PAK2: variants seen among roughly 807,000 people sequenced by gnomAD.
The protein encoded by PAK2 is p21 (RAC1) activated kinase 2.
Under a neutral mutation model 65.9 loss-of-function variants are expected in PAK2, and 21 were observed. That is an observed-to-expected ratio of 0.32 (90% CI 0.23 to 0.46). The LOEUF is 0.46. Among genes scored for constraint, PAK2 ranks in the 20% least tolerant of loss-of-function variants. PAK2 has a pLI of 1.00. For missense variants in PAK2, 324 were observed against 642.6 expected (o/e 0.50, Z 5.36); for synonymous variants, 204 against 219.7 (o/e 0.93, Z 0.63).
At chr3:196,768,663 A>G (rs1476781216) in intron 1 of PAK2, among the ~76,000 whole-genome samples, 1 of 133,928 alleles carries the variant, frequency 7.5e-6, no homozygotes, top group African/African-American at 3.3e-5. Flanking sequence ...CTAATTCTTT[A>G]TTTTTATTTA....
At chr3:196,806,403 A>C (rs1038036049) in intron 5 of PAK2, among the ~76,000 whole-genome samples, 176 bp from the exon 6 acceptor site, 3 of 152,178 alleles carry the variant, frequency 2.0e-5, no homozygotes, top group African/African-American at 7.2e-5. Flanking sequence ...GATTCATAGA[A>C]TCGCCTTATT....
At chr3:196,759,600 C>T (rs1321116028) in intron 1 of PAK2, among the ~76,000 whole-genome samples, 1 of 144,658 alleles carries the variant, frequency 6.9e-6, no homozygotes, top group Non-Finnish European at 1.5e-5. Flanking sequence ...GATCTCGGCC[C>T]ACTGCAACCT....
chr3:196,779,283 A>G (rs1197147351), intron 1 of PAK2, among the ~76,000 whole-genome samples: 1 of 152,184 alleles, frequency 6.6e-6, no homozygotes, highest in South Asian at 2.1e-4. Flanking sequence ...ATTTGCTCAA[A>G]TCATCCCAGC....
In PAK2 at chr3:196,825,143, T is replaced by C. The variant is rs527879456; in HGVS notation, c.1351-2053T>C. ...GGCAGATCGCTTGAGGTTAGGAGTTTGAGACCAGCCTGGCCAATGTGGTGA... is the reference window on the plus strand; with the variant it reads ...GGCAGATCGCTTGAGGTTAGGAGTTCGAGACCAGCCTGGCCAATGTGGTGA... On this transcript the variant is annotated intron_variant, in intron 13 of 14. Coordinates refer to ENST00000327134, the MANE Select transcript of PAK2 (RefSeq NM_002577.4). 1.1e-3 allele frequency among the ~76,000 whole-genome samples: 171 copies of C among 149,444 alleles called. 2 individuals carry two copies. The highest frequency in any genetic ancestry group is 4.5e-3 in the South Asian group (21 of 4,700).
In PAK2 at chr3:196,829,250, G is replaced by C. The variant is rs114305365; in HGVS notation, c.*845G>C. 9,128 of 152,596 alleles carry C rather than the reference G, an allele frequency of 0.06. 321 individuals are homozygous for C. Among genetic ancestry groups the C allele is most frequent in the Non-Finnish European group, 0.077 (5,268 of 67,982 alleles). 9.5% of individuals were successfully genotyped at this position (152,596 alleles called of 1,614,324 possible). On this transcript the variant is annotated 3_prime_UTR_variant, in exon 15 of 15. Transcript: ENST00000327134. ...GCTCTAGGAACCAAAGTGATTTGTT[G>C]TTGTTCCAACCTGGGCTTTGTGACT...
intron 1 of PAK2, among the ~76,000 whole-genome samples, chr3:196,779,591 C>T (rs115504909): frequency 1.8e-3 from 278 of 152,310 alleles, no homozygotes; most frequent in Non-Finnish European, 3.6e-3. Context: ...AGTTTCTACT[C>T]ACATTCCATC....
chr3:196,810,669 T>C lies in PAK2; in HGVS notation c.773+16T>C, dbSNP rs1279012102. The C allele has an allele frequency of 6.6e-6, 8 of 1,219,390 alleles. No homozygotes were observed. The highest frequency in any genetic ancestry group is 1.5e-5 in the African/African-American group (1 of 67,110). 75.5% of individuals were successfully genotyped at this position (1,219,390 alleles called of 1,614,324 possible). On this transcript the variant is annotated intron_variant, in intron 8 of 14. Coordinates refer to ENST00000327134, the MANE Select transcript of PAK2 (RefSeq NM_002577.4). Reference sequence around the variant, plus strand: ...TTGGACAAGGGTAAGTATTTGTGACTGTATTACGATAATATTCAGTATTCA... The same window carrying C: ...TTGGACAAGGGTAAGTATTTGTGACCGTATTACGATAATATTCAGTATTCA...
chr3:196,743,481 A>G (rs1295794309), intron 1 of PAK2, among the ~76,000 whole-genome samples: 1 of 152,216 alleles, frequency 6.6e-6, no homozygotes, highest in African/African-American at 2.4e-5. Flanking sequence ...CTGTAATTAT[A>G]GGTCTTAATA....
intron 1 of PAK2, among the ~76,000 whole-genome samples, chr3:196,750,756 TAA>T (rs869208797): frequency 0.4 from 58,814 of 147,554 alleles, 12,360 homozygotes; most frequent in Non-Finnish European, 0.49. Context: ...AAATAAAGTT[TAA>T]AAAAAAAAAA....
At chr3:196,748,350 C>G (rs756673660) in intron 1 of PAK2, among the ~76,000 whole-genome samples, 5 of 152,138 alleles carry the variant, frequency 3.3e-5, no homozygotes, top group Admixed American at 6.5e-5. Flanking sequence ...CTGCCCAAAG[C>G]CCACAGTTTA....
At chr3:196,761,988 T>C (rs1713990337) in intron 1 of PAK2, among the ~76,000 whole-genome samples, 2 of 117,776 alleles carry the variant, frequency 1.7e-5, no homozygotes, top group Non-Finnish European at 3.6e-5. Context: ...GACGGGGTGG[T>C]TGCCAGGCAG....
intron 1 of PAK2, among the ~76,000 whole-genome samples, chr3:196,749,580 C>T (rs779741943): frequency 6.6e-6 from 1 of 151,910 alleles, no homozygotes; most frequent in Non-Finnish European, 1.5e-5. Flanking sequence ...TGTAGGTTTT[C>T]GGGTGGACAT....
At chr3:196,809,500 C>T (rs1469292809) in intron 7 of PAK2, among the ~76,000 whole-genome samples, 1 of 150,956 alleles carries the variant, frequency 6.6e-6, no homozygotes, top group Non-Finnish European at 1.5e-5. Flanking sequence ...TGCGCCACCA[C>T]ACCCCGCTAA....
chr3:196,776,603 G>T (rs972775443), intron 1 of PAK2, among the ~76,000 whole-genome samples: 2 of 152,190 alleles, frequency 1.3e-5, no homozygotes, highest in African/African-American at 4.8e-5. Flanking sequence ...CTCAGCGCTT[G>T]ACTTACTCTG....
At chr3:196,806,484 A>G (rs759133170) in intron 5 of PAK2, 95 bp from the exon 6 acceptor site, 10 of 746,322 alleles carry the variant, frequency 1.3e-5, no homozygotes, top group Non-Finnish European at 2.4e-5. Flanking sequence ...TGAGCTATCA[A>G]AGAAGCAAAC....
intron 1 of PAK2, among the ~76,000 whole-genome samples, chr3:196,741,405 C>T (rs763572805): frequency 6.2e-4 from 94 of 152,322 alleles, no homozygotes; most frequent in Non-Finnish European, 1.1e-3. Context: ...TTCTGTAAAG[C>T]CCACTCATGC....
chr3:196,756,087 T>A (rs1257487705), intron 1 of PAK2, among the ~76,000 whole-genome samples: 4 of 152,210 alleles, frequency 2.6e-5, no homozygotes, highest in African/African-American at 9.6e-5. Flanking sequence ...TTCTTGTTGC[T>A]GACTTGTTGT....
chr3:196,741,933 ACT>A (rs761582056), intron 1 of PAK2, among the ~76,000 whole-genome samples: 4 of 151,924 alleles, frequency 2.6e-5, no homozygotes, highest in Non-Finnish European at 4.4e-5. Context: ...TTTATGGTTT[ACT>A]CTCATTCAGA....
Position 196,801,489 on chromosome 3 carries a change from C to CT in PAK2, c.188-435dup, listed in dbSNP as rs1353750160. Among the ~76,000 whole-genome samples, 3 of 152,130 alleles carry CT rather than the reference C, an allele frequency of 2.0e-5. No individual in the cohort carries two copies. The East Asian group carries it at 5.8e-4, about 29-fold the overall frequency. On this transcript the variant is annotated intron_variant, in intron 2 of 14. Coordinates refer to ENST00000327134, the MANE Select transcript of PAK2 (RefSeq NM_002577.4). ...TTAGGGGAAATCTTTTCTAGAATAA[C>CT]TTTGATTCTAGTGTGTTTTCTAGAA... is the stretch of plus-strand genomic sequence containing the variant.
Sources: gnomAD v4.1 joint callset for allele counts (sites outside exome capture counted in the v4.1 genomes callset) on GRCh38, gnomAD v4.1.1 for gene constraint, MANE v1.5 for transcripts, NCBI Gene and HGNC (gene_info 2026-07-23, HGNC 2026-07-21) for gene names.